Variants in ATP13A5 observed in about 807,000 individuals in gnomAD.
The protein encoded by ATP13A5 is ATPase 13A5, also known as probable cation-transporting ATPase 13A5.
Under a neutral mutation model 150.2 loss-of-function variants are expected in ATP13A5, and 149 were observed. The ratio of observed to expected loss-of-function variants is 0.99; its 90% CI spans 0.87 to 1.14. The LOEUF (loss-of-function observed/expected upper bound fraction) is 1.14. Ranked by LOEUF, ATP13A5 falls within the 50% of genes most tolerant of loss-of-function variation. The probability of loss-of-function intolerance (pLI) is 0.00; values close to 1 mark genes in which losing one functional copy is unlikely to be tolerated. For missense variants in ATP13A5, 1,383 were observed against 1,449.3 expected (o/e 0.95, Z 0.74); for synonymous variants, 497 against 522.2 (o/e 0.95, Z 0.66).
At chr3:193,358,718 G>A (rs1560149159) in intron 5 of ATP13A5, among the ~76,000 whole-genome samples, 1 of 152,166 alleles carries the variant, frequency 6.6e-6, no homozygotes, top group Non-Finnish European at 1.5e-5. Context: ...GGCTCTTAGA[G>A]GACTTCAAGC....
At chr3:193,347,547 G>A (rs937050362) in intron 7 of ATP13A5, among the ~76,000 whole-genome samples, 1 of 129,948 alleles carries the variant, frequency 7.7e-6, no homozygotes, top group Admixed American at 7.5e-5. Flanking sequence ...TTAGAAACTC[G>A]TTTAGATAAT....
chr3:193,325,178 T>G (rs928392448), intron 13 of ATP13A5, among the ~76,000 whole-genome samples, 164 bp from the exon 14 acceptor site: 3 of 152,206 alleles, frequency 2.0e-5, no homozygotes, highest in Non-Finnish European at 2.9e-5. Context: ...TAGCCTGGTA[T>G]TCAAAGTCTT....
Position 193,310,712 on chromosome 3 carries a change from C to G in ATP13A5, c.2451G>C (p.Leu817=), listed in dbSNP as rs377420349. The change falls in exon 21 of 30, where the codon CTG becomes CTC. Residue 817 remains leucine, a synonymous_variant. Transcript: ENST00000342358. ...QHFNSLLPKI[L]VNGTVFARMS... is the part of the protein sequence containing the mutation. ...TTCTTGCAAAAACTGTTCCATTCAC[C>G]AGAATCTAAAAAGAAAAAACAACCA... The G allele has an allele frequency of 1.5e-5, 24 of 1,599,904 alleles. No homozygotes were observed. Among genetic ancestry groups the G allele is most frequent in the Non-Finnish European group, 1.9e-5 (22 of 1,176,434 alleles).
At chr3:193,314,378 T>C (rs1188958950) in intron 18 of ATP13A5, 185 bp from the exon 19 acceptor site, 10 of 586,088 alleles carry the variant, frequency 1.7e-5, no homozygotes, top group Non-Finnish European at 2.7e-5. Context: ...CATCTCCCTC[T>C]CCATATTCTG....
intron 1 of ATP13A5, among the ~76,000 whole-genome samples, chr3:193,365,302 C>T (rs925644732): frequency 6.6e-6 from 1 of 152,042 alleles, no homozygotes; most frequent in Non-Finnish European, 1.5e-5. Flanking sequence ...GCATTTTATG[C>T]CAGTTTAGAT....
At chr3:193,276,891 TATTA>T (rs767005409) in intron 28 of ATP13A5, 61 bp from the exon 29 acceptor site, 168 of 1,173,680 alleles carry the variant, frequency 1.4e-4, no homozygotes, top group Middle Eastern at 2.3e-4. Context: ...AAAAAGACCA[TATTA>T]ATTATTTAAT....
chr3:193,336,406 G>A (rs1264456476), intron 9 of ATP13A5, among the ~76,000 whole-genome samples: 1 of 151,990 alleles, frequency 6.6e-6, no homozygotes, highest in Non-Finnish European at 1.5e-5. Flanking sequence ...CCTCACGACA[G>A]GCCCCGGTGT....
chr3:193,331,539 C>T (rs1480803624), intron 11 of ATP13A5, among the ~76,000 whole-genome samples: 1 of 152,188 alleles, frequency 6.6e-6, no homozygotes, highest in Non-Finnish European at 1.5e-5. Context: ...CACTAGCCTA[C>T]AAACTCCTTG....
intron 11 of ATP13A5, among the ~76,000 whole-genome samples, chr3:193,332,762 G>A (rs1711683956): frequency 6.6e-6 from 1 of 152,142 alleles, no homozygotes; most frequent in African/African-American, 2.4e-5. Context: ...CACAGGTTCT[G>A]ACCCACAAGA....
At chr3:193,282,023 G>C (rs967002081) in intron 27 of ATP13A5, among the ~76,000 whole-genome samples, 3 of 151,856 alleles carry the variant, frequency 2.0e-5, no homozygotes, top group Non-Finnish European at 2.9e-5. Flanking sequence ...GTGAAACCCC[G>C]CCTCTACTAA....
At chr3:193,364,499 A>G (rs1012715707) in intron 1 of ATP13A5, among the ~76,000 whole-genome samples, 9 of 152,182 alleles carry the variant, frequency 5.9e-5, no homozygotes, top group African/African-American at 2.2e-4. Flanking sequence ...AAAACATTAA[A>G]CAGAAAGAGT....
chr3:193,342,332 C>T (rs963459709), intron 9 of ATP13A5, among the ~76,000 whole-genome samples: 15 of 152,324 alleles, frequency 9.8e-5, no homozygotes, highest in South Asian at 2.1e-4. Flanking sequence ...CCTTAATCCT[C>T]TGTTTAATCA....
At chr3:193,356,641 T>C (rs968226203) in intron 5 of ATP13A5, among the ~76,000 whole-genome samples, 1 of 152,150 alleles carries the variant, frequency 6.6e-6, no homozygotes, top group African/African-American at 2.4e-5. Context: ...TCTCAATAAA[T>C]GGCAGCTATC....
chr3:193,305,735 G>A, intron 22 of ATP13A5, 67 bp from the exon 23 acceptor site: 1 of 1,326,676 alleles, frequency 7.5e-7, no homozygotes, highest in Non-Finnish European at 1.1e-6. Flanking sequence ...AAAACACCAA[G>A]AGGCTGTTCT....
rs370963707 is a variant in ATP13A5, at chr3:193,352,529, G to C, written c.607-1328C>G. ...CTTTCTACTAAAGGGCTAGTAAATA[G>C]GTGCCAGAAAATACTAGCACTCCTT... On this transcript the variant is annotated intron_variant, in intron 6 of 29. Coordinates refer to ENST00000342358, the MANE Select transcript of ATP13A5 (RefSeq NM_198505.4). Among the ~76,000 whole-genome samples, 9 of 151,538 alleles carry C rather than the reference G, an allele frequency of 5.9e-5. No individual in the cohort carries two copies. The East Asian group carries it at 1.7e-3, about 29-fold the overall frequency.
At position 193,375,947 on chromosome 3, in the gene ATP13A5, C is replaced by T. The variant is rs144971357; in HGVS notation, c.63+2716G>A. On this transcript the variant is annotated intron_variant, in intron 1 of 29. Transcript: ENST00000342358. ...CTAATTTTTACCACAGTGACTCTCA[C>T]GATCACAACGGATTGTTCACTTGAA... Among the ~76,000 whole-genome samples the T allele has an allele frequency of 4.9e-3, 749 of 152,268 alleles. 2 individuals carry two copies. The highest frequency in any genetic ancestry group is 8.5e-3 in the Non-Finnish European group (579 of 68,018).
rs773070894 is a variant in ATP13A5 at position 193,344,015 on chromosome 3, G to A, written c.855C>T (p.Asp285=). The change falls in exon 9 of 30, where the codon GAC becomes GAT. Residue 285 remains aspartate (D), a synonymous_variant. Coordinates refer to ENST00000342358, the MANE Select transcript of ATP13A5 (RefSeq NM_198505.4). ...AAAATTTTCCTGGAAGAATAAGAAT[G>A]TCTCCGGGAACCAAGAGACGGGATT... is the stretch of plus-strand genomic sequence containing the variant. The part of the protein sequence containing the change: ...ELESRLLVPG[D]ILILPGKFSL... 5 of 1,613,234 alleles carry A rather than the reference G, an allele frequency of 3.1e-6. No individual in the cohort carries two copies. The African/African-American group carries it at 4.0e-5, about 13-fold the overall frequency.
intron 25 of ATP13A5, among the ~76,000 whole-genome samples, chr3:193,295,124 G>T (rs112874790): frequency 1.4e-4 from 21 of 152,186 alleles, no homozygotes; most frequent in African/African-American, 5.1e-4. Context: ...GCAGATAAAT[G>T]TCCACAGTTC....
intron 26 of ATP13A5, 136 bp downstream of exon 26, chr3:193,289,749 C>A: frequency 2.7e-6 from 2 of 733,660 alleles, no homozygotes; most frequent in Non-Finnish European, 4.3e-6. Context: ...TGTGTTCTGT[C>A]CCATCATTTG....
Sources: gnomAD v4.1 joint callset for allele counts (sites outside exome capture counted in the v4.1 genomes callset) on GRCh38, gnomAD v4.1.1 for gene constraint, MANE v1.5 for transcripts, NCBI Gene and HGNC (gene_info 2026-07-23, HGNC 2026-07-21) for gene names.